Variants in NKIRAS1 observed in about 807,000 individuals in gnomAD.
NKIRAS1 encodes NF-kappa-B inhibitor-interacting Ras-like protein 1.
In NKIRAS1, 16 loss-of-function variants were observed where a neutral mutation model predicts 19.8. The ratio of observed to expected loss-of-function variants is 0.81; its 90% CI spans 0.55 to 1.23. The LOEUF (loss-of-function observed/expected upper bound fraction) is 1.23, where lower values mean the gene tolerates loss of function less well. Among genes scored for constraint, NKIRAS1 ranks in the 50% most tolerant of loss-of-function variants. NKIRAS1 has a pLI of 0.00. For missense variants in NKIRAS1, 184 were observed against 220.0 expected (o/e 0.84, Z 1.04); for synonymous variants, 88 against 79.0 (o/e 1.11, Z -0.61).
chr3:23,893,219 G>C lies in NKIRAS1; in HGVS notation c.455C>G (p.Thr152Arg), dbSNP rs148871674. 181 of 1,613,966 alleles carry C rather than the reference G, an allele frequency of 1.1e-4. No homozygotes were observed. Among genetic ancestry groups the C allele is most frequent in the Non-Finnish European group, 1.4e-4 (166 of 1,180,008 alleles). The change falls in exon 5 of 5, where the codon ACA becomes AGA. Residue 152 changes from threonine to arginine, a missense_variant. By Grantham distance (71) the Thr-to-Arg change is moderately conservative. Coordinates refer to ENST00000425478, the MANE Select transcript of NKIRAS1 (RefSeq NM_020345.4). ...EKVRLWEVTV[T>R]DRKTLIEPFT... ...TGGTTCAATCAGAGTTTTCCGATCT[G>C]TAACAGTCACCTCCCACAGTCTTAC...
rs145671035 is a variant in NKIRAS1, at chr3:23,891,484, T to G, written c.*1611A>C. ...ACTTTACACAGCTGTAGATGAGGTA[T>G]CCTAGAAAAGGTTAAATAATCTACC... On this transcript the variant is annotated 3_prime_UTR_variant, in exon 5 of 5. Transcript: ENST00000425478. Among the ~76,000 whole-genome samples, 41 of 152,222 alleles carry G rather than the reference T, an allele frequency of 2.7e-4. No homozygotes were observed. Among genetic ancestry groups the G allele is most frequent in the African/African-American group, 9.9e-4 (41 of 41,464 alleles).
chr3:23,897,148 C>G (rs976489161), intron 4 of NKIRAS1, among the ~76,000 whole-genome samples: 4 of 151,800 alleles, frequency 2.6e-5, no homozygotes, highest in African/African-American at 7.3e-5. Context: ...GAGTTTTAGG[C>G]TGCAATCATG....
upstream of NKIRAS1, chr3:23,917,765 T>C (rs2125250473): frequency 7.3e-7 from 1 of 1,376,936 alleles, no homozygotes; most frequent in Admixed American, 2.3e-5. Context: ...TTTCCTTGTT[T>C]TTGTTGGGGA....
rs1220773784 is a variant in NKIRAS1, at chr3:23,910,865, A to T, written c.40T>A (p.Ser14Thr). The change falls in exon 3 of 5, where the codon TCT (serine) becomes ACT (threonine). Residue 14 changes from serine (S) to threonine (T), a missense_variant. Coordinates refer to ENST00000425478, the MANE Select transcript of NKIRAS1 (RefSeq NM_020345.4). Reference protein sequence around the residue: ...GCKVVVCGLLSVGKTAILEQL... With the variant: ...GCKVVVCGLLTVGKTAILEQL... The stretch of plus-strand genomic sequence containing the variant: ...TCCAAAATTGCAGTTTTCCCCACAG[A>T]TAACAATCCACAAACCACAACCTTG... 2.5e-6 allele frequency: 4 copies of T among 1,614,210 alleles called. No homozygotes were observed. The Admixed American group carries it at 5.0e-5, about 20-fold the overall frequency.
At chr3:23,929,856 T>A (rs917434103) in intron 1 of NKIRAS1, among the ~76,000 whole-genome samples, 1 of 152,132 alleles carries the variant, frequency 6.6e-6, no homozygotes, top group Non-Finnish European at 1.5e-5. Context: ...ATCTAGACAA[T>A]AAAAAATTAC....
chr3:23,932,214 A>G (rs1342235684), intron 1 of NKIRAS1, among the ~76,000 whole-genome samples: 3 of 152,150 alleles, frequency 2.0e-5, no homozygotes, highest in African/African-American at 7.2e-5. Context: ...AACATCTGTG[A>G]GAGTGCCTAG....
intron 1 of NKIRAS1, among the ~76,000 whole-genome samples, chr3:23,928,129 T>TACACACACAC (rs1287657348): frequency 9.5e-6 from 1 of 104,970 alleles, no homozygotes; most frequent in South Asian, 3.4e-4. Flanking sequence ...CACACACACA[T>TACACACACAC]ACACACACAC....
chr3:23,890,756 A>AACTT lies in NKIRAS1; in HGVS notation c.*2335_*2338dup. The stretch of plus-strand genomic sequence containing the variant: ...GTCTTATTTCCTAAGATTTTGTTGT[A>AACTT]ACTTAAGGTATCTTGCTACAGTAGA... On this transcript the variant is annotated 3_prime_UTR_variant, in exon 5 of 5. Coordinates refer to ENST00000425478, the MANE Select transcript of NKIRAS1 (RefSeq NM_020345.4). 3.1e-6 allele frequency: 2 copies of AACTT among 652,452 alleles called. No individual in the cohort carries two copies. Among genetic ancestry groups the AACTT allele is most frequent in the Non-Finnish European group, 4.7e-6 (2 of 424,452 alleles). The allele number at this position is 652,452 out of a possible 1,614,324, so 40.4% of individuals were successfully genotyped here.
intron 1 of NKIRAS1, among the ~76,000 whole-genome samples, chr3:23,928,087 C>G (rs1331922212): frequency 7.4e-6 from 1 of 134,770 alleles, no homozygotes; most frequent in African/African-American, 2.9e-5. Flanking sequence ...TCTCTCCTCT[C>G]TCTCTCTACA....
At chr3:23,898,603 CA>C (rs1195468777) in intron 4 of NKIRAS1, among the ~76,000 whole-genome samples, 2 of 152,024 alleles carry the variant, frequency 1.3e-5, no homozygotes, top group African/African-American at 2.4e-5. Context: ...GCTACCACGC[CA>C]GGCTAATTTT....
At chr3:23,917,993 C>T, upstream of NKIRAS1, 4 of 1,611,546 alleles carry the variant, frequency 2.5e-6, no homozygotes, top group Non-Finnish European at 3.4e-6. Flanking sequence ...CCCACCCGGC[C>T]TGATAAAGCG....
upstream of NKIRAS1, chr3:23,919,327 C>A: frequency 6.2e-7 from 1 of 1,603,346 alleles, no homozygotes. Context: ...GAAATCCTGA[C>A]ACCCAGTGGA....
At chr3:23,911,717 A>C (rs1703756441) in intron 1 of NKIRAS1, among the ~76,000 whole-genome samples, 1 of 151,930 alleles carries the variant, frequency 6.6e-6, no homozygotes, top group Non-Finnish European at 1.5e-5. Context: ...AGTTTATGTC[A>C]GTCTTTTCTC....
In NKIRAS1 at chr3:23,891,634, G is replaced by T. The variant is rs1397313914; in HGVS notation, c.*1461C>A. ...ATGGATAAATTGGTACCCTGCCTTA[G>T]GGGGCATTTTGGCAGTACATGTCCT... is the stretch of plus-strand genomic sequence containing the variant. On this transcript the variant is annotated 3_prime_UTR_variant, in exon 5 of 5. Transcript: ENST00000425478. 2.0e-5 allele frequency: 3 copies of T among 152,192 alleles called. No individual in the cohort carries two copies. The highest frequency in any genetic ancestry group is 7.2e-5 in the African/African-American group (3 of 41,452). The allele number at this position is 152,192 out of a possible 1,614,324, so 9.4% of individuals were successfully genotyped here.
At chr3:23,931,711 GGAGAGAGA>G (rs72076467) in intron 1 of NKIRAS1, among the ~76,000 whole-genome samples, 3 of 48,356 alleles carry the variant, frequency 6.2e-5, no homozygotes, top group South Asian at 5.9e-4. Flanking sequence ...TGGAAAGGAA[GGAGAGAGA>G]GAGAGAGAGA....
intron 1 of NKIRAS1, among the ~76,000 whole-genome samples, 161 bp from the exon 2 acceptor site, chr3:23,911,611 T>C (rs1247079159): frequency 6.6e-6 from 1 of 152,158 alleles, no homozygotes; most frequent in Admixed American, 6.5e-5. Context: ...TACTCATCAA[T>C]ATTTACCTGG....
chr3:23,918,874 C>T (rs190182134), upstream of NKIRAS1: 60 of 502,572 alleles, frequency 1.2e-4, no homozygotes, highest in African/African-American at 9.2e-4. Flanking sequence ...TAAAGCTAAA[C>T]GTTGCTGAGC....
intron 1 of NKIRAS1, among the ~76,000 whole-genome samples, chr3:23,914,469 A>C (rs1431916223): frequency 6.6e-6 from 1 of 152,274 alleles, no homozygotes; most frequent in Non-Finnish European, 1.5e-5. Context: ...CATTATGTAT[A>C]GTGTGGAATA....
At chr3:23,916,140 T>TG (rs1297296226) in intron 1 of NKIRAS1, 5 of 152,296 alleles carry the variant, frequency 3.3e-5, no homozygotes, top group South Asian at 2.1e-4. Context: ...AAATATGATG[T>TG]GGGAAAAAAG....
Sources: allele counts gnomAD v4.1 joint callset (sites outside exome capture counted in the v4.1 genomes callset), GRCh38; gene constraint gnomAD v4.1.1; transcripts MANE v1.5; gene names NCBI Gene and HGNC (gene_info 2026-07-23, HGNC 2026-07-21).